Variants in HSPA4L observed in about 807,000 individuals in gnomAD.
The protein encoded by HSPA4L is heat shock protein family A (Hsp70) member 4 like.
A neutral mutation model predicts 100.3 loss-of-function variants in HSPA4L; 48 were observed. That is an observed-to-expected ratio of 0.48 (90% CI 0.38 to 0.61). The LOEUF (loss-of-function observed/expected upper bound fraction) is 0.61, where lower values mean the gene tolerates loss of function less well. HSPA4L is among the 20% of genes least tolerant of loss of function. The pLI, the probability that HSPA4L is intolerant of heterozygous loss-of-function variation, is 0.00. For synonymous variants in HSPA4L, 319 were observed against 328.2 expected (o/e 0.97, Z 0.30); for missense variants, 886 against 988.6 (o/e 0.90, Z 1.39).
At chr4:127,823,225 T>G (rs1010665874) in intron 15 of HSPA4L, among the ~76,000 whole-genome samples, 1 of 152,208 alleles carries the variant, frequency 6.6e-6, no homozygotes, top group Non-Finnish European at 1.5e-5. Flanking sequence ...TTCAGCTCAC[T>G]GCAACTTCTA....
chr4:127,808,955 G>C (rs1201673904), intron 11 of HSPA4L, among the ~76,000 whole-genome samples: 1 of 149,474 alleles, frequency 6.7e-6, no homozygotes, highest in East Asian at 2.0e-4. Context: ...TGTCCTGAAA[G>C]GTTTGTGTGA....
intron 1 of HSPA4L, among the ~76,000 whole-genome samples, chr4:127,787,763 C>CT (rs930943418): frequency 2.0e-5 from 3 of 151,530 alleles, no homozygotes; most frequent in Admixed American, 1.3e-4. Flanking sequence ...AATACCTTTG[C>CT]TTTTTTTAAA....
intron 10 of HSPA4L, among the ~76,000 whole-genome samples, chr4:127,806,668 T>G (rs928625079): frequency 6.6e-6 from 1 of 152,014 alleles, no homozygotes; most frequent in Non-Finnish European, 1.5e-5. Flanking sequence ...TGCCCAGGAT[T>G]TAGGTAGCCT....
At chr4:127,805,937 A>G (rs770507380) in intron 10 of HSPA4L, 144 bp downstream of exon 10, 1 of 499,104 alleles carries the variant, frequency 2.0e-6, no homozygotes, top group Admixed American at 3.4e-5. Context: ...TAAAAATGAT[A>G]TATCACCTAT....
intron 4 of HSPA4L, among the ~76,000 whole-genome samples, chr4:127,799,536 A>G (rs1411818475): frequency 1.3e-5 from 2 of 152,196 alleles, no homozygotes; most frequent in Admixed American, 1.3e-4. Context: ...CACAGCTAAT[A>G]TAGTGTTAGA....
intron 1 of HSPA4L, among the ~76,000 whole-genome samples, chr4:127,791,166 T>A (rs1395612981): frequency 2.0e-5 from 3 of 152,190 alleles, no homozygotes; most frequent in Admixed American, 1.3e-4. Context: ...TTTAATATAT[T>A]TTATTTAATT....
At chr4:127,803,258 A>G (rs899817908) in intron 6 of HSPA4L, among the ~76,000 whole-genome samples, 5 of 152,134 alleles carry the variant, frequency 3.3e-5, no homozygotes, top group Admixed American at 6.5e-5. Context: ...TGTTTTGCTC[A>G]TGTTTATATG....
At chr4:127,827,749 CTT>C (rs1399225051) in intron 17 of HSPA4L, among the ~76,000 whole-genome samples, 1 of 152,012 alleles carries the variant, frequency 6.6e-6, no homozygotes, top group Non-Finnish European at 1.5e-5. Context: ...AAGAGGACCT[CTT>C]TGACTTTTTT....
chr4:127,830,958 G>A (rs1246512744), intron 18 of HSPA4L, among the ~76,000 whole-genome samples, 159 bp downstream of exon 18: 1 of 151,886 alleles, frequency 6.6e-6, no homozygotes, highest in Non-Finnish European at 1.5e-5. Context: ...TTAGGTATGG[G>A]GTATCCCTTG....
chr4:127,783,741 C>A, intron 1 of HSPA4L: 1 of 1,408,322 alleles, frequency 7.1e-7, no homozygotes, highest in East Asian at 2.5e-5. Context: ...CTTAACTATA[C>A]TAAAACAAGG....
chr4:127,801,106 C>A, intron 4 of HSPA4L, 32 bp from the exon 5 acceptor site: 1 of 1,490,444 alleles, frequency 6.7e-7, no homozygotes, highest in Non-Finnish European at 9.3e-7. Context: ...TTACATAAAA[C>A]ATTATACTTA....
In HSPA4L at chr4:127,837,808, T is replaced by G. The variant is rs1034485267; in HGVS notation, c.*4934T>G. Reference sequence around the variant, plus strand: ...AAATGCATGAAAATTAATACTTTGTTTTTGTTTTTTTTTTGGAAACAGTCT... The same window carrying G: ...AAATGCATGAAAATTAATACTTTGTGTTTGTTTTTTTTTTGGAAACAGTCT... On this transcript the variant is annotated 3_prime_UTR_variant, in exon 19 of 19. Coordinates refer to ENST00000296464, the MANE Select transcript of HSPA4L (RefSeq NM_014278.4). 2 of 151,864 alleles carry G rather than the reference T, an allele frequency of 1.3e-5. No individual in the cohort carries two copies. The highest frequency in any genetic ancestry group is 1.3e-4 in the Admixed American group (2 of 15,262). 9.4% of individuals were successfully genotyped at this position (151,864 alleles called of 1,614,324 possible).
intron 1 of HSPA4L, among the ~76,000 whole-genome samples, chr4:127,785,403 G>T (rs1204199851): frequency 6.6e-6 from 1 of 151,960 alleles, no homozygotes; most frequent in Non-Finnish European, 1.5e-5. Flanking sequence ...AAGGGAAGGG[G>T]AAGTATTTAC....
chr4:127,823,799 C>CAA (rs1733876138), intron 16 of HSPA4L, among the ~76,000 whole-genome samples, 175 bp downstream of exon 16: 1 of 152,122 alleles, frequency 6.6e-6, no homozygotes, highest in Non-Finnish European at 1.5e-5. Flanking sequence ...ATGGCTAAGT[C>CAA]AAACTATTTA....
intron 6 of HSPA4L, among the ~76,000 whole-genome samples, chr4:127,802,951 G>A (rs944241854): frequency 1.2e-4 from 18 of 152,092 alleles, no homozygotes; most frequent in African/African-American, 4.3e-4. Context: ...ATTAGTGACT[G>A]TTGTAAGTAG....
intron 12 of HSPA4L, among the ~76,000 whole-genome samples, chr4:127,816,220 C>T (rs1439687551): frequency 6.6e-6 from 1 of 152,086 alleles, no homozygotes; most frequent in African/African-American, 2.4e-5. Context: ...AAGATGGTTT[C>T]AACTCCCATG....
chr4:127,830,471 T>G (rs1165118689), intron 17 of HSPA4L, among the ~76,000 whole-genome samples, 167 bp from the exon 18 acceptor site: 1 of 152,222 alleles, frequency 6.6e-6, no homozygotes. Context: ...TCTTATCTTT[T>G]ATCCCATTCT....
chr4:127,788,251 T>A (rs1193065631), intron 1 of HSPA4L, among the ~76,000 whole-genome samples: 4 of 152,194 alleles, frequency 2.6e-5, no homozygotes, highest in Admixed American at 6.5e-5. Context: ...TTGAAAACTC[T>A]TAAATTATTA....
intron 5 of HSPA4L, among the ~76,000 whole-genome samples, 155 bp downstream of exon 5, chr4:127,801,392 G>A (rs1173753640): frequency 6.6e-6 from 1 of 151,790 alleles, no homozygotes; most frequent in East Asian, 1.9e-4. Context: ...TCATACCACT[G>A]CACTTCAGCC....
Sources: allele counts gnomAD v4.1 joint callset (sites outside exome capture counted in the v4.1 genomes callset), GRCh38; gene constraint gnomAD v4.1.1; transcripts MANE v1.5; gene names NCBI Gene and HGNC (gene_info 2026-07-23, HGNC 2026-07-21).